HS3ST4: variants seen among roughly 807,000 people sequenced by gnomAD.
HS3ST4 encodes heparan sulfate glucosamine 3-O-sulfotransferase 4.
A neutral mutation model predicts 29.2 loss-of-function variants in HS3ST4; 17 were observed. The ratio of observed to expected loss-of-function variants is 0.58; its 90% confidence interval spans 0.40 to 0.87. HS3ST4 has a LOEUF of 0.87. Ranked by LOEUF, HS3ST4 falls within the 40% of genes least tolerant of loss-of-function variation. The pLI is 0.00. For synonymous variants in HS3ST4, 314 were observed against 285.7 expected (o/e 1.10, Z -1.00); for missense variants, 627 against 634.5 (o/e 0.99, Z 0.13).
chr16:26,009,306 T>C (rs1456304296), intron 1 of HS3ST4, among the ~76,000 whole-genome samples: 1 of 152,230 alleles, frequency 6.6e-6, no homozygotes, highest in Non-Finnish European at 1.5e-5. Context: ...TAAATATTTG[T>C]CTTTCCCAAT....
intron 1 of HS3ST4, among the ~76,000 whole-genome samples, chr16:25,693,666 A>G (rs898779296): frequency 3.9e-4 from 59 of 152,326 alleles, no homozygotes; most frequent in African/African-American, 1.4e-3. Context: ...AACAGTTACA[A>G]AGATCATGCT....
intron 1 of HS3ST4, among the ~76,000 whole-genome samples, chr16:25,860,341 C>A (rs1967623851): frequency 6.6e-6 from 1 of 152,198 alleles, no homozygotes; most frequent in Non-Finnish European, 1.5e-5. Context: ...TATGATGCAG[C>A]CATCATGCTC....
chr16:25,994,078 C>A (rs1370149761), intron 1 of HS3ST4, among the ~76,000 whole-genome samples: 1 of 150,880 alleles, frequency 6.6e-6, no homozygotes, highest in Non-Finnish European at 1.5e-5. Flanking sequence ...TCATGGGTAA[C>A]CATCCCTCAT....
chr16:25,849,730 C>A (rs1051804174), intron 1 of HS3ST4, among the ~76,000 whole-genome samples: 1 of 151,810 alleles, frequency 6.6e-6, no homozygotes, highest in African/African-American at 2.4e-5. Context: ...TGGTCTTGAA[C>A]TCCTGGGCTC....
At chr16:25,953,381 C>A (rs986759968) in intron 1 of HS3ST4, among the ~76,000 whole-genome samples, 13 of 152,180 alleles carry the variant, frequency 8.5e-5, no homozygotes, top group African/African-American at 3.1e-4. Context: ...TAGCCATTAT[C>A]CACTTCTTCC....
At chr16:25,922,834 G>A (rs1443617009) in intron 1 of HS3ST4, among the ~76,000 whole-genome samples, 1 of 152,196 alleles carries the variant, frequency 6.6e-6, no homozygotes, top group African/African-American at 2.4e-5. Context: ...CTTTTCAGAT[G>A]CTTCTTTTGT....
intron 1 of HS3ST4, among the ~76,000 whole-genome samples, chr16:26,025,475 C>A (rs1361662081): frequency 6.6e-6 from 1 of 152,146 alleles, no homozygotes; most frequent in African/African-American, 2.4e-5. Context: ...CCACAAAAGC[C>A]AGCAATCCCA....
chr16:25,747,371 C>G (rs1358600275), intron 1 of HS3ST4, among the ~76,000 whole-genome samples: 1 of 152,204 alleles, frequency 6.6e-6, no homozygotes, highest in Non-Finnish European at 1.5e-5. Context: ...GCTCCCCAGG[C>G]AAAGCTGAGC....
chr16:25,884,899 G>C (rs575250214), intron 1 of HS3ST4, among the ~76,000 whole-genome samples: 1 of 152,238 alleles, frequency 6.6e-6, no homozygotes, highest in African/African-American at 2.4e-5. Flanking sequence ...TGTAGATTCT[G>C]ACTTTTTGTT....
intron 1 of HS3ST4, among the ~76,000 whole-genome samples, chr16:25,953,919 A>C (rs923590522): frequency 1.2e-4 from 18 of 152,110 alleles, no homozygotes; most frequent in African/African-American, 4.1e-4. Flanking sequence ...CCATTGATTG[A>C]GGGGTGCTCC....
At chr16:25,831,396 T>TACACACACACACACAC (rs58851793) in intron 1 of HS3ST4, among the ~76,000 whole-genome samples, 46 of 126,136 alleles carry the variant, frequency 3.6e-4, no homozygotes, top group Admixed American at 1.7e-3. Flanking sequence ...ACCCCGTCTC[T>TACACACACACACACAC]ACACACACAC....
intron 1 of HS3ST4, among the ~76,000 whole-genome samples, chr16:25,985,368 G>A (rs1969051150): frequency 6.6e-6 from 1 of 152,198 alleles, no homozygotes; most frequent in Non-Finnish European, 1.5e-5. Flanking sequence ...TTAGGTGGTT[G>A]CTTGCAGTTC....
At position 26,053,666 on chromosome 16, in the gene HS3ST4, A is replaced by G. The variant is rs143779883; in HGVS notation, c.735-81946A>G. Among the ~76,000 whole-genome samples the G allele has an allele frequency of 1.6e-3, 237 of 152,294 alleles. 3 individuals are homozygous for G. Among genetic ancestry groups the G allele is most frequent in the African/African-American group, 5.6e-3 (231 of 41,548 alleles). The stretch of plus-strand genomic sequence containing the variant: ...TCAAATATTCACCACTCTGGACCCA[A>G]TTAACTTGCCTGGAAACCTCAAAAC... On this transcript the variant is annotated intron_variant, in intron 1 of 1. Coordinates refer to ENST00000331351, the MANE Select transcript of HS3ST4 (RefSeq NM_006040.3).
intron 1 of HS3ST4, among the ~76,000 whole-genome samples, chr16:25,695,074 G>T (rs552962204): frequency 6.6e-6 from 1 of 152,206 alleles, no homozygotes; most frequent in Non-Finnish European, 1.5e-5. Flanking sequence ...AAACTACCTT[G>T]TTTGACGTGG....
At chr16:25,932,926 G>C (rs1220575317) in intron 1 of HS3ST4, among the ~76,000 whole-genome samples, 2 of 152,170 alleles carry the variant, frequency 1.3e-5, no homozygotes, top group African/African-American at 4.8e-5. Context: ...AGAGAGAGCG[G>C]ATCTCAGACA....
At chr16:25,991,882 G>C (rs1596637911) in intron 1 of HS3ST4, among the ~76,000 whole-genome samples, 1 of 151,800 alleles carries the variant, frequency 6.6e-6, no homozygotes. Flanking sequence ...TTAGCCGGGC[G>C]TGGTGGTGGG....
intron 1 of HS3ST4, among the ~76,000 whole-genome samples, chr16:26,078,405 C>T (rs2141781013): frequency 6.6e-6 from 1 of 152,322 alleles, no homozygotes; most frequent in East Asian, 1.9e-4. Flanking sequence ...GCTTCGGCCT[C>T]CCAAAGTGCT....
intron 1 of HS3ST4, among the ~76,000 whole-genome samples, chr16:25,758,870 C>CA (rs1383005527): frequency 6.6e-6 from 1 of 151,950 alleles, no homozygotes; most frequent in Non-Finnish European, 1.5e-5. Flanking sequence ...GCATGAGAAT[C>CA]ACTTGAACAC....
chr16:25,725,656 T>G (rs973212010), intron 1 of HS3ST4, among the ~76,000 whole-genome samples: 6 of 151,554 alleles, frequency 4.0e-5, no homozygotes, highest in African/African-American at 1.5e-4. Context: ...TAATTGTAAA[T>G]TCTATATTGT....
Sources: gnomAD v4.1 joint callset for allele counts (sites outside exome capture counted in the v4.1 genomes callset) on GRCh38, gnomAD v4.1.1 for gene constraint, MANE v1.5 for transcripts, NCBI Gene and HGNC (gene_info 2026-07-23, HGNC 2026-07-21) for gene names.